The following COL19A1 variants were observed in gnomAD, a reference collection of about 807,000 sequenced individuals.
COL19A1 encodes collagen alpha-1(XIX) chain.
In COL19A1, 159 loss-of-function variants were observed where a neutral mutation model predicts 190.2. The observed-to-expected ratio is 0.84, with a 90% CI of 0.73 to 0.95. COL19A1 has a LOEUF of 0.95. Ranked by LOEUF, COL19A1 falls within the 40% of genes least tolerant of loss-of-function variation. COL19A1 has a pLI of 0.00. For missense variants in COL19A1, 1,418 were observed against 1,431.9 expected (o/e 0.99, Z 0.16); for synonymous variants, 509 against 458.9 (o/e 1.11, Z -1.39).
intron 15 of COL19A1, among the ~76,000 whole-genome samples, chr6:70,097,946 C>T (rs1783385744): frequency 6.6e-6 from 1 of 152,170 alleles, no homozygotes; most frequent in Non-Finnish European, 1.5e-5. Context: ...AGGATTTTCA[C>T]TCCACCCACA....
intron 15 of COL19A1, among the ~76,000 whole-genome samples, chr6:70,079,625 A>G (rs946015959): frequency 6.6e-6 from 1 of 152,210 alleles, no homozygotes; most frequent in Non-Finnish European, 1.5e-5. Flanking sequence ...AATTCTTCAG[A>G]GGTATCGGAG....
rs553585523 is a variant in COL19A1, at chr6:70,140,859, G to T, written c.1447-95G>T. 22 of 1,115,376 alleles carry T rather than the reference G, an allele frequency of 2.0e-5. No individual in the cohort carries two copies. The Admixed American group carries it at 2.2e-4, about 11-fold the overall frequency. The allele number at this position is 1,115,376 out of a possible 1,614,324, so 69.1% of individuals were successfully genotyped here. ...ATTTTTGGAGGTCTGTTTGCAATGG[G>T]AATCTGAGTTTGGCCTATAGGGTTT... On this transcript the variant is annotated intron_variant, in intron 19 of 50. Coordinates refer to ENST00000620364, the MANE Select transcript of COL19A1 (RefSeq NM_001858.6).
intron 11 of COL19A1, among the ~76,000 whole-genome samples, chr6:70,004,921 C>T (rs1777523261): frequency 6.6e-6 from 1 of 151,788 alleles, no homozygotes. Context: ...TAAGCTCTGC[C>T]CCCCGGGTTC....
rs568922802 is a variant in COL19A1, at chr6:69,921,325, A to T, written c.267-6584A>T. ...CATATATCATATATCATATAATCAT[A>T]TATCATATATCTATATATATCATAT... On this transcript the variant is annotated intron_variant, in intron 4 of 50. Coordinates refer to ENST00000620364, the MANE Select transcript of COL19A1 (RefSeq NM_001858.6). Among the ~76,000 whole-genome samples the T allele has an allele frequency of 2.6e-3, 344 of 131,582 alleles. 1 individual carries two copies. Among genetic ancestry groups the T allele is most frequent in the Middle Eastern group, 0.023 (2 of 86 alleles). The allele number at this position is 131,582 out of a possible 152,430, so 86.3% of individuals were successfully genotyped here. A position where few individuals can be genotyped will look rare whatever the true frequency, so the allele number is the denominator to read the frequency against.
At chr6:69,931,002 GTT>G (rs1440836962) in intron 6 of COL19A1, among the ~76,000 whole-genome samples, 1 of 152,134 alleles carries the variant, frequency 6.6e-6, no homozygotes, top group African/African-American at 2.4e-5. Flanking sequence ...GATAGTCACT[GTT>G]TGAGTTAAAC....
rs144985306 is a variant in COL19A1, at chr6:70,142,309, G to A, written c.1572+233G>A. 2.2e-3 allele frequency among the ~76,000 whole-genome samples: 337 copies of A among 152,202 alleles called. 3 individuals are homozygous for A. Among genetic ancestry groups the A allele is most frequent in the African/African-American group, 6.2e-3 (259 of 41,532 alleles). ...TCTTTTTCAGAGCATATTCACAATA[G>A]CATCCCTAAAAGCCTTAAGAGTAAA... On this transcript the variant is annotated intron_variant, in intron 22 of 50. Transcript: ENST00000620364.
chr6:69,881,510 C>G (rs1160589171), intron 2 of COL19A1, among the ~76,000 whole-genome samples: 1 of 152,172 alleles, frequency 6.6e-6, no homozygotes, highest in African/African-American at 2.4e-5. Flanking sequence ...TAACACTTCC[C>G]CATCTTGGGA....
At chr6:69,985,699 C>G (rs768954567) in intron 11 of COL19A1, among the ~76,000 whole-genome samples, 1 of 152,000 alleles carries the variant, frequency 6.6e-6, no homozygotes, top group Non-Finnish European at 1.5e-5. Flanking sequence ...GAAAATTTTC[C>G]TTATTTCAAA....
intron 14 of COL19A1, among the ~76,000 whole-genome samples, chr6:70,061,978 T>C (rs966400085): frequency 2.6e-5 from 4 of 151,886 alleles, no homozygotes; most frequent in African/African-American, 9.7e-5. Context: ...CATTACTTGA[T>C]TATATATCAT....
chr6:70,205,939 C>T (rs898323270), intron 49 of COL19A1, among the ~76,000 whole-genome samples: 9 of 152,112 alleles, frequency 5.9e-5, no homozygotes, highest in Admixed American at 5.9e-4. Flanking sequence ...TGCTGAAGCT[C>T]CTTTGGAGTT....
At chr6:69,914,334 T>C (rs6901568) in intron 4 of COL19A1, among the ~76,000 whole-genome samples, 16,397 of 152,130 alleles carry the variant, frequency 0.11, 984 homozygotes, top group Middle Eastern at 0.16. Context: ...CTAGCCAAAT[T>C]GCTTGTAACT....
At chr6:70,093,375 G>A (rs1783045468) in intron 15 of COL19A1, among the ~76,000 whole-genome samples, 1 of 152,054 alleles carries the variant, frequency 6.6e-6, no homozygotes, top group Non-Finnish European at 1.5e-5. Context: ...CCCCATCCAT[G>A]ATACTAGACC....
rs141853557 is a variant in COL19A1 at position 70,129,978 on chromosome 6, G to A, written c.1342-204G>A. 1.0e-3 allele frequency among the ~76,000 whole-genome samples: 156 copies of A among 152,310 alleles called. 2 individuals are homozygous for A. The highest frequency in any genetic ancestry group is 3.7e-3 in the African/African-American group (152 of 41,578). ...AAGTCACAAAGAAGATGCATGGGGT[G>A]TCCAAAGCTGGAATTATTTAGAAGA... On this transcript the variant is annotated intron_variant, in intron 17 of 50. Transcript: ENST00000620364.
chr6:70,142,118 G>T (rs778171854), intron 22 of COL19A1, 42 bp downstream of exon 22: 4 of 1,564,726 alleles, frequency 2.6e-6, no homozygotes, highest in Non-Finnish European at 3.5e-6. Flanking sequence ...AATAATTTGG[G>T]AATTGTAGCC....
chr6:70,191,258 C>T (rs1336989081), intron 48 of COL19A1, among the ~76,000 whole-genome samples: 1 of 152,140 alleles, frequency 6.6e-6, no homozygotes, highest in Non-Finnish European at 1.5e-5. Flanking sequence ...CCTGGATCTT[C>T]CTTATAAAAA....
chr6:69,998,644 C>T (rs1284628416), intron 11 of COL19A1, among the ~76,000 whole-genome samples: 2 of 67,268 alleles, frequency 3.0e-5, no homozygotes, highest in Admixed American at 3.3e-4. Flanking sequence ...GACTCCCTCT[C>T]AAAAAAAAAA....
chr6:69,920,052 G>A (rs1771589984), intron 4 of COL19A1, among the ~76,000 whole-genome samples: 1 of 152,088 alleles, frequency 6.6e-6, no homozygotes, highest in Admixed American at 6.6e-5. Flanking sequence ...GATGGGAATA[G>A]TTGTAATTTT....
At chr6:70,068,557 A>G in intron 15 of COL19A1, 81 bp downstream of exon 15, 1 of 879,250 alleles carries the variant, frequency 1.1e-6, no homozygotes, top group East Asian at 2.5e-5. Flanking sequence ...ATGAAACCGA[A>G]ATAGAGCAAG....
In COL19A1 at chr6:70,210,022, CAT is replaced by C. The variant is rs963380025; in HGVS notation, c.*2749_*2750del. On this transcript the variant is annotated 3_prime_UTR_variant, in exon 51 of 51. Transcript: ENST00000620364. ...TGCACCATTTTATTCCATTCCAAAACATGTGTTTATTTCCACATAGATGTTAA... is the reference window on the plus strand; with the variant it reads ...TGCACCATTTTATTCCATTCCAAAACGTGTTTATTTCCACATAGATGTTAA... The C allele has an allele frequency of 1.3e-5, 2 of 152,114 alleles. No individual in the cohort carries two copies. Among genetic ancestry groups the C allele is most frequent in the African/African-American group, 2.4e-5 (1 of 41,422 alleles). The allele number at this position is 152,114 out of a possible 1,614,324, so 9.4% of individuals were successfully genotyped here. A position where few individuals can be genotyped will look rare whatever the true frequency, so the allele number is the denominator to read the frequency against.
Sources: allele counts gnomAD v4.1 joint callset (sites outside exome capture counted in the v4.1 genomes callset), GRCh38; gene constraint gnomAD v4.1.1; transcripts MANE v1.5; gene names NCBI Gene and HGNC (gene_info 2026-07-23, HGNC 2026-07-21).